The following ST3GAL2 variants were observed in gnomAD, a reference collection of about 807,000 sequenced individuals.
The protein encoded by ST3GAL2 is CMP-N-acetylneuraminate-beta-galactosamide-alpha-2,3-sialyltransferase 2.
A neutral mutation model predicts 37.5 loss-of-function variants in ST3GAL2; 16 were observed. The ratio of observed to expected loss-of-function variants is 0.43; its 90% CI spans 0.29 to 0.65. The LOEUF (loss-of-function observed/expected upper bound fraction) is 0.65. Ranked by LOEUF, ST3GAL2 falls within the 30% of genes least tolerant of loss-of-function variation. The pLI, the probability that ST3GAL2 is intolerant of heterozygous loss-of-function variation, is 0.17. For missense variants in ST3GAL2, 383 were observed against 487.8 expected (o/e 0.79, Z 2.02); for synonymous variants, 238 against 202.9 (o/e 1.17, Z -1.47).
At chr16:70,421,113 G>A (rs1051238965) in intron 1 of ST3GAL2, among the ~76,000 whole-genome samples, 4 of 152,226 alleles carry the variant, frequency 2.6e-5, no homozygotes, top group African/African-American at 9.6e-5. Flanking sequence ...GCCCTGGGAG[G>A]TGGGCTGGGG....
At chr16:70,385,786 C>T (rs1352519220) in intron 4 of ST3GAL2, among the ~76,000 whole-genome samples, 1 of 149,342 alleles carries the variant, frequency 6.7e-6, no homozygotes, top group African/African-American at 2.5e-5. Flanking sequence ...TCACTGCAAC[C>T]TCTGCCTCCC....
At position 70,386,837 on chromosome 16, in the gene ST3GAL2, G is replaced by A. The variant is rs1040363601; in HGVS notation, c.713+1530C>T. Among the ~76,000 whole-genome samples the A allele has an allele frequency of 2.6e-5, 4 of 152,218 alleles. No individual in the cohort carries two copies. The East Asian group carries it at 7.8e-4, about 30-fold the overall frequency. On this transcript the variant is annotated intron_variant, in intron 4 of 6. Coordinates refer to ENST00000342907, the MANE Select transcript of ST3GAL2 (RefSeq NM_006927.4). ...ATTGTTTTATTTTTAGTACAGATGA[G>A]GTTTCACCATGTTGGCCAGGCTGGT...
At chr16:70,416,068 G>A (rs533387582) in intron 1 of ST3GAL2, among the ~76,000 whole-genome samples, 7 of 152,020 alleles carry the variant, frequency 4.6e-5, no homozygotes, top group Admixed American at 6.6e-5. Flanking sequence ...GAGCCACCGA[G>A]CCCAGCTTCC....
intron 1 of ST3GAL2, among the ~76,000 whole-genome samples, chr16:70,422,696 A>T (rs1013335410): frequency 1.3e-5 from 2 of 152,126 alleles, no homozygotes; most frequent in African/African-American, 2.4e-5. Flanking sequence ...CAAAGCCCTC[A>T]TAGGGGCAGC....
intron 5 of ST3GAL2, 105 bp downstream of exon 5, chr16:70,383,085 C>T: frequency 6.3e-7 from 1 of 1,582,558 alleles, no homozygotes; most frequent in Non-Finnish European, 8.6e-7. Context: ...CAGATGGGGA[C>T]CCTGAGGTTC....
Position 70,439,084 on chromosome 16 carries a change from G to C in ST3GAL2, c.-1139C>G, listed in dbSNP as rs979417083. The C allele has an allele frequency of 6.4e-6, 1 of 157,164 alleles. No homozygotes were observed. Among genetic ancestry groups the C allele is most frequent in the Non-Finnish European group, 1.4e-5 (1 of 72,332 alleles). The allele number at this position is 157,164 out of a possible 1,614,324, so 9.7% of individuals were successfully genotyped here. A position where few individuals can be genotyped will look rare whatever the true frequency, so the allele number is the denominator to read the frequency against. The stretch of plus-strand genomic sequence containing the variant: ...CCGTTAGCTCGCAGCTCTCTCGTCC[G>C]CCCGCCGTGGGCTAGTCCCGCCCTT... On this transcript the variant is annotated 5_prime_UTR_variant, in exon 1 of 7. Coordinates refer to ENST00000342907, the MANE Select transcript of ST3GAL2 (RefSeq NM_006927.4).
At chr16:70,410,049 G>A (rs1384791422) in intron 1 of ST3GAL2, among the ~76,000 whole-genome samples, 1 of 151,556 alleles carries the variant, frequency 6.6e-6, no homozygotes, top group Admixed American at 6.6e-5. Flanking sequence ...TTGCAGATAT[G>A]AGCCACCTTG....
At chr16:70,434,387 A>C (rs1184315632) in intron 1 of ST3GAL2, among the ~76,000 whole-genome samples, 1 of 151,120 alleles carries the variant, frequency 6.6e-6, no homozygotes, top group African/African-American at 2.4e-5. Flanking sequence ...CAGTGAGCCG[A>C]GATCACACCA....
intron 4 of ST3GAL2, among the ~76,000 whole-genome samples, chr16:70,383,943 T>C (rs1213611722): frequency 6.6e-6 from 1 of 151,784 alleles, no homozygotes; most frequent in Non-Finnish European, 1.5e-5. Flanking sequence ...GTGGCAATCA[T>C]CTCAAATCCA....
At chr16:70,396,940 C>A (rs1209132579) in intron 2 of ST3GAL2, among the ~76,000 whole-genome samples, 3 of 152,038 alleles carry the variant, frequency 2.0e-5, no homozygotes, top group African/African-American at 4.8e-5. Context: ...CCCTTAGCCC[C>A]TGAGGGTTCT....
chr16:70,405,345 T>C (rs181487442), intron 1 of ST3GAL2, among the ~76,000 whole-genome samples: 70 of 151,444 alleles, frequency 4.6e-4, no homozygotes, highest in African/African-American at 1.6e-3. Flanking sequence ...ATCGAGACCA[T>C]CCTGGTTAAC....
At chr16:70,397,994 G>C (rs1043453860) in intron 2 of ST3GAL2, among the ~76,000 whole-genome samples, 198 bp downstream of exon 2, 1 of 152,168 alleles carries the variant, frequency 6.6e-6, no homozygotes, top group African/African-American at 2.4e-5. Context: ...CCTATGCTCG[G>C]GTCCTACAGG....
In ST3GAL2 at chr16:70,381,152, G is replaced by A. The variant is rs1435462110; in HGVS notation, c.*537C>T. On this transcript the variant is annotated 3_prime_UTR_variant, in exon 7 of 7. Coordinates refer to ENST00000342907, the MANE Select transcript of ST3GAL2 (RefSeq NM_006927.4). The stretch of plus-strand genomic sequence containing the variant: ...CCCACAGCGCGGCCGAGGTGGGACT[G>A]GGGGTCCCGCAGCGACCGCTTTTCT... 6.6e-6 allele frequency: 1 copy of A among 152,528 alleles called. No homozygotes were observed. The highest frequency in any genetic ancestry group is 1.5e-5 in the Non-Finnish European group (1 of 68,194). 9.4% of individuals were successfully genotyped at this position (152,528 alleles called of 1,614,324 possible).
intron 1 of ST3GAL2, among the ~76,000 whole-genome samples, chr16:70,428,564 T>TGGGGCCC (rs2047767209): frequency 6.6e-6 from 1 of 152,172 alleles, no homozygotes; most frequent in East Asian, 1.9e-4. Context: ...GGGTGGGGCT[T>TGGGGCCC]GGGGCCCATC....
rs188367159 is a variant in ST3GAL2, at chr16:70,412,422, T to C, written c.-1003-12889A>G. Among the ~76,000 whole-genome samples, 49 of 152,182 alleles carry C rather than the reference T, an allele frequency of 3.2e-4. No homozygotes were observed. In the South Asian group the frequency reaches 5.4e-3, roughly 17 times the overall value. On this transcript the variant is annotated intron_variant, in intron 1 of 6. Transcript: ENST00000342907. The stretch of plus-strand genomic sequence containing the variant: ...ACTTTGGGAGACCACGGTGGGCAGG[T>C]TGCTTGAGCCCAGGAGTTTGAGACC...
chr16:70,416,531 C>T (rs111871067), intron 1 of ST3GAL2, among the ~76,000 whole-genome samples: 1 of 152,158 alleles, frequency 6.6e-6, no homozygotes, highest in African/African-American at 2.4e-5. Context: ...TAGGAGGCAT[C>T]AATAAATGTT....
At chr16:70,417,808 G>A (rs936684264) in intron 1 of ST3GAL2, among the ~76,000 whole-genome samples, 1 of 151,676 alleles carries the variant, frequency 6.6e-6, no homozygotes, top group Non-Finnish European at 1.5e-5. Flanking sequence ...GTGGCATGGC[G>A]TGGCTGGGGG....
chr16:70,399,564 G>T (rs919338325), intron 1 of ST3GAL2, 31 bp from the exon 2 acceptor site: 9 of 397,270 alleles, frequency 2.3e-5, no homozygotes, highest in Non-Finnish European at 4.0e-5. Context: ...AATAATGTGC[G>T]GATGAATCAC....
At chr16:70,411,955 T>C (rs2047641426) in intron 1 of ST3GAL2, among the ~76,000 whole-genome samples, 1 of 151,446 alleles carries the variant, frequency 6.6e-6, no homozygotes, top group Admixed American at 6.6e-5. Context: ...GATCACCCCA[T>C]TGCACTCCAG....
Sources: allele counts gnomAD v4.1 joint callset (sites outside exome capture counted in the v4.1 genomes callset), GRCh38; gene constraint gnomAD v4.1.1; transcripts MANE v1.5; gene names NCBI Gene and HGNC (gene_info 2026-07-23, HGNC 2026-07-21).